The following GUCY1A2 variants were observed in gnomAD, a reference collection of about 807,000 sequenced individuals.
The protein encoded by GUCY1A2 is guanylate cyclase 1 soluble subunit alpha 2, also known as guanylate cyclase soluble subunit alpha-2.
Under a neutral mutation model 63.5 loss-of-function variants are expected in GUCY1A2, and 27 were observed. That is an observed-to-expected ratio of 0.43 (90% CI 0.31 to 0.59). The LOEUF (loss-of-function observed/expected upper bound fraction) is 0.59, where lower values mean the gene tolerates loss of function less well. Among genes scored for constraint, GUCY1A2 ranks in the 20% least tolerant of loss-of-function variants. GUCY1A2 has a pLI of 0.11. For missense variants in GUCY1A2, 768 were observed against 913.3 expected (o/e 0.84, Z 2.05); for synonymous variants, 364 against 343.5 (o/e 1.06, Z -0.66).
intron 4 of GUCY1A2, among the ~76,000 whole-genome samples, chr11:106,862,184 T>C (rs766361668): frequency 2.0e-5 from 3 of 152,026 alleles, no homozygotes; most frequent in Non-Finnish European, 4.4e-5. Flanking sequence ...GGAAAGACTA[T>C]ATAGGCTTTG....
intron 5 of GUCY1A2, among the ~76,000 whole-genome samples, chr11:106,808,178 G>C (rs2012519): frequency 0.8 from 121,881 of 151,994 alleles, 49,483 homozygotes; most frequent in East Asian, 0.99. Flanking sequence ...GAACACCAAG[G>C]CCTGGAATCT....
intron 6 of GUCY1A2, among the ~76,000 whole-genome samples, chr11:106,737,232 A>G (rs190703692): frequency 2.7e-4 from 41 of 152,282 alleles, no homozygotes; most frequent in Admixed American, 4.6e-4. Context: ...AATGAATAGA[A>G]GAGAACTTAA....
chr11:106,891,872 A>G (rs139111970), intron 4 of GUCY1A2, among the ~76,000 whole-genome samples: 2,890 of 152,200 alleles, frequency 0.019, 50 homozygotes, highest in Middle Eastern at 0.038. Flanking sequence ...GAAATGTCTT[A>G]GCTAACCTAA....
Position 106,718,802 on chromosome 11 carries a change from G to A in GUCY1A2, c.1837-10136C>T, listed in dbSNP as rs188112500. 3.0e-3 allele frequency among the ~76,000 whole-genome samples: 461 copies of A among 152,184 alleles called. 5 individuals are homozygous for A. The highest frequency in any genetic ancestry group is 0.011 in the African/African-American group (443 of 41,550). On this transcript the variant is annotated intron_variant, in intron 6 of 7. Coordinates refer to ENST00000526355, the MANE Select transcript of GUCY1A2 (RefSeq NM_000855.3). ...TATTTAACAACATAGTGACATACTT[G>A]AAGCACACACAAACTGACCACTATA...
chr11:106,948,838 A>G (rs721626), intron 3 of GUCY1A2, among the ~76,000 whole-genome samples: 70,651 of 151,720 alleles, frequency 0.47, 16,904 homozygotes, highest in East Asian at 0.64. Context: ...GCCATCTGGA[A>G]AACAATAAAA....
intron 1 of GUCY1A2, among the ~76,000 whole-genome samples, chr11:106,989,303 G>A (rs1483161827): frequency 1.3e-5 from 2 of 152,014 alleles, no homozygotes; most frequent in African/African-American, 4.8e-5. Flanking sequence ...GATGACCTTG[G>A]GCAATTTACT....
chr11:106,745,965 C>T (rs1181433151), intron 6 of GUCY1A2, among the ~76,000 whole-genome samples: 2 of 152,086 alleles, frequency 1.3e-5, no homozygotes, highest in Non-Finnish European at 2.9e-5. Context: ...TTTGGTGGTC[C>T]TTATCAGTAT....
chr11:106,864,812 G>T (rs538377107), intron 4 of GUCY1A2, among the ~76,000 whole-genome samples: 1 of 152,040 alleles, frequency 6.6e-6, no homozygotes, highest in Non-Finnish European at 1.5e-5. Flanking sequence ...GCTGGATTCG[G>T]TTTGCCAGTA....
chr11:106,996,423 CT>C (rs1196530739), intron 1 of GUCY1A2, among the ~76,000 whole-genome samples: 1 of 152,146 alleles, frequency 6.6e-6, no homozygotes, highest in East Asian at 1.9e-4. Context: ...CTGGCAAGGC[CT>C]TCCCTACAGC....
intron 3 of GUCY1A2, among the ~76,000 whole-genome samples, chr11:106,951,132 A>G (rs188791189): frequency 1.3e-5 from 2 of 152,240 alleles, no homozygotes; most frequent in Admixed American, 1.3e-4. Context: ...TTCTTTATCC[A>G]GTCTATCATT....
At chr11:106,853,464 A>G (rs112504051) in intron 4 of GUCY1A2, among the ~76,000 whole-genome samples, 55 of 152,018 alleles carry the variant, frequency 3.6e-4, no homozygotes, top group Admixed American at 1.1e-3. Flanking sequence ...TGTATTTTTA[A>G]AAATTCATTG....
intron 6 of GUCY1A2, among the ~76,000 whole-genome samples, chr11:106,715,388 C>A (rs920717475): frequency 3.3e-5 from 5 of 152,138 alleles, no homozygotes; most frequent in Admixed American, 6.6e-5. Context: ...GAAAACAGTA[C>A]ATTAGTGTTA....
intron 4 of GUCY1A2, among the ~76,000 whole-genome samples, chr11:106,893,812 A>G (rs1233395098): frequency 6.6e-6 from 1 of 152,106 alleles, no homozygotes; most frequent in Non-Finnish European, 1.5e-5. Context: ...CAGTTTACAA[A>G]TTACTGGAGG....
chr11:106,817,945 G>T (rs979784148), intron 4 of GUCY1A2, among the ~76,000 whole-genome samples: 10 of 152,122 alleles, frequency 6.6e-5, no homozygotes, highest in Middle Eastern at 3.4e-3. Context: ...CATTCTTCAA[G>T]AAAGTAAAAA....
Position 106,825,008 on chromosome 11 carries a change from C to T in GUCY1A2, c.1207-14530G>A, listed in dbSNP as rs571899019. The stretch of plus-strand genomic sequence containing the variant: ...TAAAGATGGTTTATGCATGTATATG[C>T]CACTATTTTTGTAGTTAGACAATAG... On this transcript the variant is annotated intron_variant, in intron 4 of 7. Coordinates refer to ENST00000526355, the MANE Select transcript of GUCY1A2 (RefSeq NM_000855.3). 3.9e-3 allele frequency: 6,251 copies of T among 1,587,068 alleles called. 24 individuals are homozygous for T. Among genetic ancestry groups the T allele is most frequent in the Non-Finnish European group, 4.9e-3 (5,661 of 1,165,276 alleles).
chr11:106,762,431 C>A (rs2135392608), intron 6 of GUCY1A2, among the ~76,000 whole-genome samples: 1 of 152,164 alleles, frequency 6.6e-6, no homozygotes, highest in East Asian at 1.9e-4. Context: ...GCATGAATGT[C>A]TAGAACCATG....
At chr11:106,860,011 A>T (rs1859487943) in intron 4 of GUCY1A2, among the ~76,000 whole-genome samples, 1 of 152,000 alleles carries the variant, frequency 6.6e-6, no homozygotes, top group Non-Finnish European at 1.5e-5. Context: ...TAATGGGAGG[A>T]GTTTCATCTA....
chr11:106,842,273 C>A (rs1859209538), intron 4 of GUCY1A2, among the ~76,000 whole-genome samples: 1 of 151,908 alleles, frequency 6.6e-6, no homozygotes, highest in African/African-American at 2.4e-5. Context: ...GTCCCTAGGG[C>A]TTCACCATCC....
At chr11:106,863,684 T>C (rs920156064) in intron 4 of GUCY1A2, among the ~76,000 whole-genome samples, 1 of 152,164 alleles carries the variant, frequency 6.6e-6, no homozygotes, top group Non-Finnish European at 1.5e-5. Flanking sequence ...AAGTCAATGG[T>C]AACTTGATGG....
Sources: allele counts gnomAD v4.1 joint callset (sites outside exome capture counted in the v4.1 genomes callset), GRCh38; gene constraint gnomAD v4.1.1; transcripts MANE v1.5; gene names NCBI Gene and HGNC (gene_info 2026-07-23, HGNC 2026-07-21).